CAPN3: variants seen among roughly 807,000 people sequenced by gnomAD.
The protein encoded by CAPN3 is calpain-3.
CAPN3 carries 88 observed loss-of-function variants against 114.0 expected under a neutral mutation model. That is an observed-to-expected ratio of 0.77 (90% confidence interval 0.65 to 0.92). The LOEUF (loss-of-function observed/expected upper bound fraction) is 0.92. Ranked by LOEUF, CAPN3 falls within the 40% of genes least tolerant of loss-of-function variation. The pLI is 0.00. For synonymous variants in CAPN3, 386 were observed against 382.9 expected (o/e 1.01, Z -0.09); for missense variants, 1,028 against 1,069.0 (o/e 0.96, Z 0.53).
Position 42,411,354 on chromosome 15 carries a change from T to C in CAPN3, c.2439+9T>C, listed in dbSNP as rs746615699. The C allele has an allele frequency of 1.2e-6, 2 of 1,613,144 alleles. No individual in the cohort carries two copies. Among genetic ancestry groups the C allele is most frequent in the South Asian group, 1.1e-5 (1 of 91,048 alleles). On this transcript the variant is annotated intron_variant, in intron 23 of 23. Transcript: ENST00000397163. ...AGCTCAACGTTCTGGAGGTAAAGCA[T>C]AGGCACAGCACATTCCCCCTACACA...
At chr15:42,408,819 C>G in intron 16 of CAPN3, 1 of 285,472 alleles carries the variant, frequency 3.5e-6, no homozygotes, top group South Asian at 3.7e-5. Context: ...CAGGGCCCCT[C>G]TTCTATCCGG....
Position 42,387,891 on chromosome 15 carries a change from G to C in CAPN3, c.632+5G>C. 6.2e-7 allele frequency: 1 copy of C among 1,614,174 alleles called. No individual in the cohort carries two copies. The highest frequency in any genetic ancestry group is 1.1e-5 in the South Asian group (1 of 91,082). On this transcript the variant is annotated splice_donor_5th_base_variant and intron_variant, in intron 4 of 23. Coordinates refer to ENST00000397163, the MANE Select transcript of CAPN3 (RefSeq NM_000070.3). ...GCTGGAGAAGGCTTATGCTAAGTAA[G>C]CAACACTTTAGAATGTGAGGTGGGG...
chr15:42,409,174 C>T (rs2054122588), intron 16 of CAPN3, 129 bp from the exon 17 acceptor site: 1 of 775,426 alleles, frequency 1.3e-6, no homozygotes, highest in African/African-American at 1.7e-5. Context: ...TCTGCATTTG[C>T]CCGTCCCCAG....
chr15:42,377,837 A>G (rs1011752374), intron 1 of CAPN3, among the ~76,000 whole-genome samples: 2 of 152,174 alleles, frequency 1.3e-5, no homozygotes, highest in African/African-American at 2.4e-5. Context: ...TATTGACTCA[A>G]TATTCTTGAT....
intron 16 of CAPN3, chr15:42,408,830 G>A (rs1414477726): frequency 3.6e-6 from 1 of 280,378 alleles, no homozygotes; most frequent in Non-Finnish European, 6.9e-6. Context: ...TTCTATCCGG[G>A]GGCCCCTCTT....
chr15:42,389,103 CTGGGGTG>C lies in CAPN3; in HGVS notation c.801+13_801+19del. 2 of 1,613,778 alleles carry C rather than the reference CTGGGGTG, an allele frequency of 1.2e-6. No homozygotes were observed. The highest frequency in any genetic ancestry group is 1.7e-6 in the Non-Finnish European group (2 of 1,179,896). ...CATGGGCTGCTCCATTGATGTAAGT[CTGGGGTG>C]TGGGGCACAGGGTGGGGAGCTCCAA... On this transcript the variant is annotated splice_region_variant and intron_variant, in intron 5 of 23. Coordinates refer to ENST00000397163, the MANE Select transcript of CAPN3 (RefSeq NM_000070.3).
chr15:42,393,469 T>A (rs2053611076), intron 7 of CAPN3, among the ~76,000 whole-genome samples: 1 of 152,224 alleles, frequency 6.6e-6, no homozygotes, highest in Admixed American at 6.5e-5. Context: ...GTTGGGCAGG[T>A]TGTGCCCTGT....
At chr15:42,390,132 C>T in intron 6 of CAPN3, 36 bp downstream of exon 6, 2 of 1,613,172 alleles carry the variant, frequency 1.2e-6, no homozygotes, top group Non-Finnish European at 8.5e-7. Flanking sequence ...CTGACCATCC[C>T]TCCAACCCAC....
intron 1 of CAPN3, among the ~76,000 whole-genome samples, chr15:42,368,589 A>G (rs76427654): frequency 7.1e-4 from 108 of 152,368 alleles, no homozygotes; most frequent in African/African-American, 2.5e-3. Flanking sequence ...AAATGTGACC[A>G]GAGACTCATA....
In CAPN3 at chr15:42,410,659, C is replaced by A. The variant is rs11557721; in HGVS notation, c.2256C>A (p.Asn752Lys). ...GCTACGAGATGCGAAATGCAGTCAA[C>A]GACGCAGGTGCTGAGAAGGAAGGGG... ...INSYEMRNAV[N>K]DAGFHLNNQL... The change falls in exon 21 of 24, where the codon AAC (asparagine) becomes AAA (lysine). Residue 752 changes from asparagine (N) to lysine (K), a missense_variant. Coordinates refer to ENST00000397163, the MANE Select transcript of CAPN3 (RefSeq NM_000070.3). 3.7e-6 allele frequency: 6 copies of A among 1,613,126 alleles called. No homozygotes were observed. Among genetic ancestry groups the A allele is most frequent in the Non-Finnish European group, 5.1e-6 (6 of 1,179,438 alleles).
At chr15:42,403,932 T>A in intron 14 of CAPN3, 155 bp downstream of exon 14, 1 of 768,238 alleles carries the variant, frequency 1.3e-6, no homozygotes, top group Non-Finnish European at 2.3e-6. Context: ...AAATCCTACT[T>A]TGGCATGGCC....
At chr15:42,388,177 A>G (rs2053454115) in intron 4 of CAPN3, among the ~76,000 whole-genome samples, 1 of 152,232 alleles carries the variant, frequency 6.6e-6, no homozygotes, top group Admixed American at 6.5e-5. Flanking sequence ...CAAGTCTTGG[A>G]TCAGAGCATT....
intron 20 of CAPN3, 36 bp from the exon 21 acceptor site, chr15:42,410,552 G>C: frequency 6.2e-7 from 1 of 1,608,400 alleles, no homozygotes; most frequent in Non-Finnish European, 8.5e-7. Context: ...TGGAGATTCA[G>C]TGTGTGACCT....
chr15:42,360,380 A>T (rs953881481), intron 1 of CAPN3, among the ~76,000 whole-genome samples: 6 of 152,084 alleles, frequency 3.9e-5, no homozygotes, highest in Non-Finnish European at 2.9e-5. Flanking sequence ...AAAAAAAAAA[A>T]AATCTTGCTT....
chr15:42,360,150 C>A, intron 1 of CAPN3, 36 bp downstream of exon 1: 1 of 1,613,388 alleles, frequency 6.2e-7, no homozygotes, highest in East Asian at 2.2e-5. Context: ...GGGTTTTCCC[C>A]CCACGGAGGA....
intron 1 of CAPN3, among the ~76,000 whole-genome samples, chr15:42,368,598 T>C (rs563098719): frequency 6.6e-6 from 1 of 152,240 alleles, no homozygotes; most frequent in Non-Finnish European, 1.5e-5. Context: ...CAGAGACTCA[T>C]AGGACTCTAA....
intron 1 of CAPN3, among the ~76,000 whole-genome samples, chr15:42,377,301 T>C (rs956397921): frequency 6.6e-6 from 1 of 152,208 alleles, no homozygotes; most frequent in Non-Finnish European, 1.5e-5. Flanking sequence ...TTAGCTGTTA[T>C]TATTTTTGAA....
rs187039720 is a variant in CAPN3, at chr15:42,366,306, G to A, written c.309+6192G>A. Among the ~76,000 whole-genome samples, 12 of 152,064 alleles carry A rather than the reference G, an allele frequency of 7.9e-5. No individual in the cohort carries two copies. The East Asian group carries it at 1.9e-3, about 24-fold the overall frequency. ...CTTTCTTTCTTCCGTGCTGTCTATC[G>A]ACATGGACCCAGCCACACCGGCTGG... On this transcript the variant is annotated intron_variant, in intron 1 of 23. Coordinates refer to ENST00000397163, the MANE Select transcript of CAPN3 (RefSeq NM_000070.3).
At chr15:42,389,894 T>C in intron 5 of CAPN3, 59 bp from the exon 6 acceptor site, 1 of 1,583,914 alleles carries the variant, frequency 6.3e-7, no homozygotes, top group Non-Finnish European at 8.7e-7. Context: ...CTTTCCACCC[T>C]TCTGTGTTTG....
Sources: allele counts gnomAD v4.1 joint callset (sites outside exome capture counted in the v4.1 genomes callset), GRCh38; gene constraint gnomAD v4.1.1; transcripts MANE v1.5; gene names NCBI Gene and HGNC (gene_info 2026-07-23, HGNC 2026-07-21).